Variants in RBFOX1 observed in about 807,000 individuals in gnomAD.
RBFOX1 encodes RNA binding protein fox-1 homolog 1.
In RBFOX1, 8 loss-of-function variants were observed where a neutral mutation model predicts 57.7. The ratio of observed to expected loss-of-function variants is 0.14; its 90% CI spans 0.08 to 0.25. The LOEUF (loss-of-function observed/expected upper bound fraction) is 0.25. Among genes scored for constraint, RBFOX1 ranks in the 10% least tolerant of loss-of-function variants. RBFOX1 has a pLI of 1.00. For synonymous variants in RBFOX1, 326 were observed against 222.4 expected, an observed-to-expected ratio of 1.47 and a Z score of -4.15; for missense variants, 611 against 548.5, an observed-to-expected ratio of 1.11 and a Z score of -1.14.
At chr16:6,175,786 C>T (rs767259837) in intron 1 of RBFOX1, among the ~76,000 whole-genome samples, 47 of 152,058 alleles carry the variant, frequency 3.1e-4, no homozygotes, top group Non-Finnish European at 5.4e-4. Flanking sequence ...GCCAGACTTT[C>T]GGGAGCAGTC....
intron 1 of RBFOX1, among the ~76,000 whole-genome samples, chr16:5,410,793 C>T (rs1045371071): frequency 1.3e-5 from 2 of 152,092 alleles, no homozygotes; most frequent in African/African-American, 4.8e-5. Context: ...CTTTAAAATT[C>T]TTTCCACTGT....
At chr16:7,019,691 G>A (rs1426211260) in intron 3 of RBFOX1, among the ~76,000 whole-genome samples, 1 of 152,176 alleles carries the variant, frequency 6.6e-6, no homozygotes, top group African/African-American at 2.4e-5. Flanking sequence ...CAGAAAAAAA[G>A]TAAGGAAGTG....
intron 11 of RBFOX1, among the ~76,000 whole-genome samples, chr16:7,652,223 C>T (rs1385136287): frequency 6.6e-6 from 1 of 152,078 alleles, no homozygotes; most frequent in Non-Finnish European, 1.5e-5. Context: ...GGTTTCCTGG[C>T]CCCATGGGCC....
At chr16:7,136,906 A>G (rs1277330554) in intron 4 of RBFOX1, among the ~76,000 whole-genome samples, 1 of 152,184 alleles carries the variant, frequency 6.6e-6, no homozygotes, top group Non-Finnish European at 1.5e-5. Flanking sequence ...GGAAGGAGGC[A>G]TCTAGAAGTT....
At chr16:6,284,857 G>A (rs1217996285) in intron 1 of RBFOX1, among the ~76,000 whole-genome samples, 1 of 152,150 alleles carries the variant, frequency 6.6e-6, no homozygotes. Flanking sequence ...AGAACACATT[G>A]TTCTTCTCAT....
At chr16:6,707,496 C>A (rs1283702504) in intron 3 of RBFOX1, among the ~76,000 whole-genome samples, 1 of 48,584 alleles carries the variant, frequency 2.1e-5, no homozygotes, top group South Asian at 6.3e-4. Flanking sequence ...TTTTTTTTTG[C>A]TGTTGTAAAC....
chr16:6,533,862 A>G (rs1250545079), intron 2 of RBFOX1, among the ~76,000 whole-genome samples: 3 of 152,186 alleles, frequency 2.0e-5, no homozygotes, highest in Non-Finnish European at 2.9e-5. Context: ...TAAACATAAA[A>G]GAGAAGTTTG....
intron 4 of RBFOX1, among the ~76,000 whole-genome samples, chr16:7,293,703 C>T (rs1407247180): frequency 6.6e-6 from 1 of 152,110 alleles, no homozygotes. Flanking sequence ...TTTTGAGAGC[C>T]AGGAAGGTTT....
chr16:6,478,734 G>T (rs1026731659), intron 2 of RBFOX1, among the ~76,000 whole-genome samples: 1 of 151,928 alleles, frequency 6.6e-6, no homozygotes, highest in Non-Finnish European at 1.5e-5. Context: ...AGGAGAGGGA[G>T]CGAGCAGGGG....
intron 4 of RBFOX1, among the ~76,000 whole-genome samples, chr16:7,355,564 G>C (rs911257844): frequency 6.6e-6 from 1 of 152,140 alleles, no homozygotes; most frequent in Admixed American, 6.6e-5. Flanking sequence ...TCACCCACAT[G>C]ATTTTGCTCA....
chr16:6,932,377 G>A (rs773631256), intron 3 of RBFOX1, among the ~76,000 whole-genome samples: 1 of 152,138 alleles, frequency 6.6e-6, no homozygotes, highest in African/African-American at 2.4e-5. Flanking sequence ...TAAGTGCTGG[G>A]ATTACATGCA....
At chr16:6,996,061 G>A (rs1024303112) in intron 3 of RBFOX1, among the ~76,000 whole-genome samples, 7 of 152,134 alleles carry the variant, frequency 4.6e-5, no homozygotes, top group African/African-American at 1.7e-4. Flanking sequence ...GATGGCCATG[G>A]GGCGTCTTGA....
chr16:5,588,050 C>G (rs776286073), intron 2 of RBFOX1, among the ~76,000 whole-genome samples: 1 of 152,156 alleles, frequency 6.6e-6, no homozygotes. Flanking sequence ...ATCCCTGATG[C>G]CTGCTGTAAC....
At chr16:6,980,159 G>A (rs2088318364) in intron 3 of RBFOX1, among the ~76,000 whole-genome samples, 1 of 152,130 alleles carries the variant, frequency 6.6e-6, no homozygotes, top group Non-Finnish European at 1.5e-5. Context: ...CTTCAATTAA[G>A]CCTCCGCAGT....
At chr16:5,356,237 G>A (rs2151326761) in intron 1 of RBFOX1, among the ~76,000 whole-genome samples, 2 of 152,292 alleles carry the variant, frequency 1.3e-5, no homozygotes, top group African/African-American at 4.8e-5. Flanking sequence ...AGGGAGGCAT[G>A]GAATGGATGC....
intron 4 of RBFOX1, among the ~76,000 whole-genome samples, chr16:7,198,091 C>A (rs1228425647): frequency 6.8e-6 from 1 of 146,086 alleles, no homozygotes; most frequent in Non-Finnish European, 1.5e-5. Flanking sequence ...CTGCAAGCTC[C>A]ACCTCCTGGG....
At chr16:6,530,003 A>G (rs963384397) in intron 2 of RBFOX1, among the ~76,000 whole-genome samples, 2 of 152,068 alleles carry the variant, frequency 1.3e-5, no homozygotes, top group Non-Finnish European at 2.9e-5. Context: ...TATAGTCTCA[A>G]TGGGTATTTA....
intron 3 of RBFOX1, among the ~76,000 whole-genome samples, chr16:6,828,008 T>C (rs996923536): frequency 7.2e-5 from 11 of 152,118 alleles, no homozygotes; most frequent in Admixed American, 1.3e-4. Flanking sequence ...CATCAATTTT[T>C]CCCCAGCACA....
intron 4 of RBFOX1, among the ~76,000 whole-genome samples, chr16:7,485,076 T>C (rs76874705): frequency 7.2e-6 from 1 of 139,606 alleles, no homozygotes; most frequent in African/African-American, 2.6e-5. Flanking sequence ...TTTTTTTTTT[T>C]AATAACAGAG....
Sources: allele counts gnomAD v4.1 joint callset (sites outside exome capture counted in the v4.1 genomes callset), GRCh38; gene constraint gnomAD v4.1.1; transcripts MANE v1.5; gene names NCBI Gene and HGNC (gene_info 2026-07-23, HGNC 2026-07-21).